MYO6: variants seen among roughly 807,000 people sequenced by gnomAD.
MYO6 encodes the protein myosin VI, also known as unconventional myosin-VI.
A neutral mutation model predicts 178.7 loss-of-function variants in MYO6; 74 were observed. The ratio of observed to expected loss-of-function variants is 0.41; its 90% CI spans 0.34 to 0.50. The LOEUF is 0.50. Ranked by LOEUF, MYO6 falls within the 20% of genes least tolerant of loss-of-function variation. MYO6 has a pLI of 0.09. For synonymous variants in MYO6, 477 were observed against 504.6 expected, an observed-to-expected ratio of 0.95 and a Z score of 0.73; for missense variants, 1,330 against 1,547.4, an observed-to-expected ratio of 0.86 and a Z score of 2.36.
intron 6 of MYO6, among the ~76,000 whole-genome samples, chr6:75,833,327 A>C (rs956312686): frequency 6.6e-6 from 1 of 152,180 alleles, no homozygotes; most frequent in Non-Finnish European, 1.5e-5. Context: ...AAAAATACTT[A>C]AGTAAAAGTT....
At chr6:75,776,183 G>C (rs1437451931) in intron 1 of MYO6, among the ~76,000 whole-genome samples, 1 of 152,146 alleles carries the variant, frequency 6.6e-6, no homozygotes, top group African/African-American at 2.4e-5. Flanking sequence ...TTCCCTGTTA[G>C]AATAGATGCT....
intron 1 of MYO6, among the ~76,000 whole-genome samples, chr6:75,789,890 C>G (rs1180908665): frequency 6.6e-6 from 1 of 152,166 alleles, no homozygotes; most frequent in Non-Finnish European, 1.5e-5. Flanking sequence ...TGGTCCTCCC[C>G]CTGTCCTCCA....
chr6:75,762,771 C>T (rs1778065444), intron 1 of MYO6, among the ~76,000 whole-genome samples: 2 of 152,234 alleles, frequency 1.3e-5, no homozygotes, highest in Admixed American at 6.5e-5. Flanking sequence ...GTCTTTTAAA[C>T]CTCTTAACAA....
intron 6 of MYO6, among the ~76,000 whole-genome samples, chr6:75,834,891 T>G (rs1773490309): frequency 6.6e-6 from 1 of 152,244 alleles, no homozygotes; most frequent in Non-Finnish European, 1.5e-5. Flanking sequence ...TGTTTCAATT[T>G]CTTTTTCTTT....
At chr6:75,804,409 T>G (rs1479037629) in intron 1 of MYO6, among the ~76,000 whole-genome samples, 3 of 152,056 alleles carry the variant, frequency 2.0e-5, no homozygotes, top group African/African-American at 4.8e-5. Flanking sequence ...ATGCCAAAGG[T>G]GCACATAACA....
At chr6:75,817,714 GT>G (rs780530269) in intron 2 of MYO6, 50 bp downstream of exon 2, 6 of 1,510,798 alleles carry the variant, frequency 4.0e-6, no homozygotes, top group South Asian at 2.3e-5. Context: ...AAAAATAGGT[GT>G]TTTTTTTCAC....
intron 1 of MYO6, 120 bp from the exon 2 acceptor site, chr6:75,817,381 G>A: frequency 1.5e-6 from 1 of 663,560 alleles, no homozygotes; most frequent in Non-Finnish European, 2.7e-6. Context: ...ATTTTATGTG[G>A]CATGGGCAGA....
chr6:75,755,823 T>C (rs2149962184), intron 1 of MYO6, among the ~76,000 whole-genome samples: 1 of 152,318 alleles, frequency 6.6e-6, no homozygotes, highest in South Asian at 2.1e-4. Flanking sequence ...CAAGCCCCTG[T>C]ACTGACATTT....
At chr6:75,885,066 A>G (rs547423646) in intron 23 of MYO6, among the ~76,000 whole-genome samples, 1 of 152,344 alleles carries the variant, frequency 6.6e-6, no homozygotes, top group African/African-American at 2.4e-5. Flanking sequence ...TTCTTTCCCA[A>G]GATTAGTTCG....
intron 28 of MYO6, among the ~76,000 whole-genome samples, chr6:75,893,579 C>A (rs138015654): frequency 6.6e-6 from 1 of 151,938 alleles, no homozygotes; most frequent in African/African-American, 2.4e-5. Flanking sequence ...AAACAAAAGA[C>A]GGGGAAGGAA....
At chr6:75,891,922 T>C (rs1778931899) in intron 27 of MYO6, among the ~76,000 whole-genome samples, 1 of 152,228 alleles carries the variant, frequency 6.6e-6, no homozygotes, top group South Asian at 2.1e-4. Context: ...TGACAGTTAA[T>C]ACATGTTAAA....
intron 1 of MYO6, among the ~76,000 whole-genome samples, chr6:75,786,247 A>G (rs982083649): frequency 6.6e-6 from 1 of 152,092 alleles, no homozygotes; most frequent in African/African-American, 2.4e-5. Flanking sequence ...ATATATATAA[A>G]TCTTTGCTCT....
At chr6:75,910,259 A>G (rs987591596) in intron 32 of MYO6, among the ~76,000 whole-genome samples, 1 of 152,200 alleles carries the variant, frequency 6.6e-6, no homozygotes, top group Non-Finnish European at 1.5e-5. Flanking sequence ...AAATATTATA[A>G]TTACTAACTT....
At chr6:75,802,759 T>G (rs1769616774) in intron 1 of MYO6, among the ~76,000 whole-genome samples, 1 of 152,088 alleles carries the variant, frequency 6.6e-6, no homozygotes, top group Non-Finnish European at 1.5e-5. Context: ...AGTTCTGGGA[T>G]TACAGGCATG....
In MYO6 at chr6:75,915,861, T is replaced by C. The variant is rs1240895697; in HGVS notation, c.*849T>C. ...AAATATTCTTTCAACTTCATCTCAA[T>C]AGTGATTTTTGTATCAGAATCTTGT... On this transcript the variant is annotated 3_prime_UTR_variant, in exon 35 of 35. Transcript: ENST00000369977. 1.3e-5 allele frequency: 2 copies of C among 152,638 alleles called. No homozygotes were observed. Among genetic ancestry groups the C allele is most frequent in the African/African-American group, 2.4e-5 (1 of 41,468 alleles). The allele number at this position is 152,638 out of a possible 1,614,324, so 9.5% of individuals were successfully genotyped here. A position where few individuals can be genotyped will look rare whatever the true frequency, so the allele number is the denominator to read the frequency against.
chr6:75,859,520 G>A (rs1020722601), intron 14 of MYO6, among the ~76,000 whole-genome samples: 2 of 151,742 alleles, frequency 1.3e-5, no homozygotes, highest in African/African-American at 4.8e-5. Flanking sequence ...GGCTAGTCTC[G>A]AACTCTTGGC....
At chr6:75,788,117 A>G (rs1767857841) in intron 1 of MYO6, among the ~76,000 whole-genome samples, 1 of 152,050 alleles carries the variant, frequency 6.6e-6, no homozygotes, top group Admixed American at 6.6e-5. Flanking sequence ...TGTAAATTAT[A>G]CCTCAACAAA....
intron 13 of MYO6, among the ~76,000 whole-genome samples, chr6:75,858,075 A>ATT (rs397767706): frequency 1.4e-5 from 2 of 145,030 alleles, no homozygotes; most frequent in African/African-American, 2.4e-5. Context: ...TATTATTATT[A>ATT]ATTTTTTTTC....
intron 23 of MYO6, among the ~76,000 whole-genome samples, chr6:75,882,300 C>G (rs536737043): frequency 6.0e-4 from 92 of 152,302 alleles, no homozygotes; most frequent in African/African-American, 2.1e-3. Flanking sequence ...AAGTCCTTTT[C>G]CACCTTTTGC....
Sources: allele counts gnomAD v4.1 joint callset (sites outside exome capture counted in the v4.1 genomes callset), GRCh38; gene constraint gnomAD v4.1.1; transcripts MANE v1.5; gene names NCBI Gene and HGNC (gene_info 2026-07-23, HGNC 2026-07-21).